The following COL6A5 variants were observed in gnomAD, a reference collection of about 807,000 sequenced individuals.
COL6A5 encodes the protein collagen alpha-5(VI) chain.
Under a neutral mutation model 65.6 loss-of-function variants are expected in COL6A5, and 48 were observed. The observed-to-expected ratio is 0.73, with a 90% confidence interval of 0.58 to 0.93. The LOEUF is 0.93. COL6A5 is among the 40% of genes least tolerant of loss of function. The pLI, the probability that COL6A5 is intolerant of heterozygous loss-of-function variation, is 0.00. For synonymous variants in COL6A5, 291 were observed against 322.8 expected (o/e 0.90, Z 1.05); for missense variants, 914 against 928.3 (o/e 0.98, Z 0.20).
intron 1 of COL6A5, among the ~76,000 whole-genome samples, chr3:130,354,363 A>G (rs1465091066): frequency 1.3e-5 from 2 of 152,186 alleles, no homozygotes; most frequent in Non-Finnish European, 2.9e-5. Context: ...TTATATTTCT[A>G]TTAAACAGCA....
At chr3:130,472,910 T>C (rs1247891821) in intron 7 of COL6A5, among the ~76,000 whole-genome samples, 1 of 145,754 alleles carries the variant, frequency 6.9e-6, no homozygotes, top group Non-Finnish European at 1.5e-5. Context: ...TATACACACA[T>C]ACATAAACAT....
At chr3:130,370,572 A>T (rs1315777663) in intron 1 of COL6A5, among the ~76,000 whole-genome samples, 1 of 152,228 alleles carries the variant, frequency 6.6e-6, no homozygotes, top group African/African-American at 2.4e-5. Flanking sequence ...AAATAAGCTT[A>T]TATCTGAAGA....
Position 130,398,047 on chromosome 3 carries a change from A to G in COL6A5, c.3927A>G (p.Ser1309=), listed in dbSNP as rs1170889782. Reference sequence around the variant, plus strand: ...TTCTCCAGGTGCTGCTTATTTTTTCAGACGGTCTCCAGAGTGAAAGCAACA... The same window carrying G: ...TTCTCCAGGTGCTGCTTATTTTTTCGGACGGTCTCCAGAGTGAAAGCAACA... The change falls in exon 10 of 42, where the codon TCA becomes TCG. Residue 1309 remains serine (S), a synonymous_variant and NMD_transcript_variant. Transcript: ENST00000312481. 6 of 1,550,964 alleles carry G rather than the reference A, an allele frequency of 3.9e-6. No individual in the cohort carries two copies. In the South Asian group the frequency reaches 7.1e-5, roughly 18 times the overall value.
At chr3:130,439,537 A>G in exon 2 of COL6A5, 1 of 1,550,944 alleles carries the variant, frequency 6.4e-7, no homozygotes. Flanking sequence ...CAACACTGGA[A>G]CATTTCAGGT....
intron 17 of COL6A5, 86 bp downstream of exon 17, chr3:130,406,407 G>C (rs1179781638): frequency 2.8e-6 from 3 of 1,072,234 alleles, no homozygotes; most frequent in African/African-American, 1.6e-5. Flanking sequence ...GGTTATAGGG[G>C]ATAAAATTTA....
chr3:130,445,269 G>T (rs1041604440), intron 4 of COL6A5, among the ~76,000 whole-genome samples: 1 of 152,230 alleles, frequency 6.6e-6, no homozygotes, highest in African/African-American at 2.4e-5. Flanking sequence ...AATGTATTGA[G>T]GGGGAGGATT....
intron 7 of COL6A5, among the ~76,000 whole-genome samples, chr3:130,477,855 A>C (rs1468238169): frequency 6.6e-6 from 1 of 152,134 alleles, no homozygotes; most frequent in Non-Finnish European, 1.5e-5. Context: ...GTTTTTCTGC[A>C]GGACTTTTTA....
intron 22 of COL6A5, 73 bp from the exon 23 acceptor site, chr3:130,415,572 G>A: frequency 7.3e-7 from 1 of 1,370,586 alleles, no homozygotes; most frequent in Non-Finnish European, 1.0e-6. Flanking sequence ...TCTGCAGGGT[G>A]TTTCAAAAGA....
intron 1 of COL6A5, among the ~76,000 whole-genome samples, chr3:130,366,336 A>G (rs1935339983): frequency 1.3e-5 from 2 of 152,206 alleles, no homozygotes; most frequent in African/African-American, 2.4e-5. Flanking sequence ...TGTATATATC[A>G]GTGTGGTTTT....
At chr3:130,364,842 T>C (rs992877135) in intron 1 of COL6A5, among the ~76,000 whole-genome samples, 4 of 152,194 alleles carry the variant, frequency 2.6e-5, no homozygotes, top group Admixed American at 1.3e-4. Flanking sequence ...TTTTCAAAGG[T>C]TGTCAATTGA....
Position 130,418,852 on chromosome 3 carries a change from C to G in COL6A5, c.4888-17C>G. On this transcript the variant is annotated splice_polypyrimidine_tract_variant and intron_variant and NMD_transcript_variant, in intron 24 of 41. Transcript: ENST00000312481. ...TTGATTTTACTGATCTGAAGCTCTT[C>G]TTGTCCCACTTACTAGGGAGAGCCT... 1.9e-6 allele frequency: 3 copies of G among 1,548,248 alleles called. No homozygotes were observed. The highest frequency in any genetic ancestry group is 2.6e-6 in the Non-Finnish European group (3 of 1,144,082).
intron 1 of COL6A5, among the ~76,000 whole-genome samples, chr3:130,373,349 C>T (rs1935635458): frequency 6.6e-6 from 1 of 152,094 alleles, no homozygotes; most frequent in Non-Finnish European, 1.5e-5. Flanking sequence ...ATTGTACCTC[C>T]CTATAAGATT....
intron 8 of COL6A5, among the ~76,000 whole-genome samples, chr3:130,397,182 A>G (rs1936632006): frequency 6.6e-6 from 1 of 152,190 alleles, no homozygotes; most frequent in Admixed American, 6.5e-5. Context: ...ACTTTAATGT[A>G]TTCTGACTAT....
At chr3:130,470,009 C>T (rs540482932) in intron 6 of COL6A5, among the ~76,000 whole-genome samples, 22 of 152,192 alleles carry the variant, frequency 1.4e-4, no homozygotes, top group Admixed American at 4.6e-4. Context: ...ATCACACTGA[C>T]ACTGCCCTCC....
At chr3:130,378,270 T>G (rs898755815) in intron 3 of COL6A5, among the ~76,000 whole-genome samples, 1 of 152,130 alleles carries the variant, frequency 6.6e-6, no homozygotes, top group Non-Finnish European at 1.5e-5. Context: ...TCCCACTATC[T>G]TCCCTATCTT....
At chr3:130,388,359 C>CATGCATGT (rs1303752477) in intron 5 of COL6A5, among the ~76,000 whole-genome samples, 2 of 151,900 alleles carry the variant, frequency 1.3e-5, no homozygotes, top group East Asian at 1.9e-4. Context: ...TGCATGCATG[C>CATGCATGT]ATGCATGAAT....
exon 8 of COL6A5, chr3:130,395,093 AC>A: frequency 6.4e-7 from 1 of 1,551,662 alleles, no homozygotes; most frequent in Non-Finnish European, 8.7e-7. Context: ...TCTGACTAAA[AC>A]CCAGTGGAAG....
chr3:130,378,333 G>C (rs1027313368), intron 3 of COL6A5, among the ~76,000 whole-genome samples: 2 of 152,040 alleles, frequency 1.3e-5, no homozygotes, highest in Non-Finnish European at 2.9e-5. Flanking sequence ...AAACCCAGGA[G>C]TTTTCACCAC....
intron 5 of COL6A5, among the ~76,000 whole-genome samples, chr3:130,465,152 A>C (rs1388042913): frequency 6.6e-6 from 1 of 152,106 alleles, no homozygotes. Context: ...TTTTCAGGAC[A>C]TGGTACAAGA....
Sources: gnomAD v4.1 joint callset for allele counts (sites outside exome capture counted in the v4.1 genomes callset) on GRCh38, gnomAD v4.1.1 for gene constraint, MANE v1.5 for transcripts, NCBI Gene and HGNC (gene_info 2026-07-23, HGNC 2026-07-21) for gene names.